MACROD2: variants seen among roughly 807,000 people sequenced by gnomAD.
The protein encoded by MACROD2 is ADP-ribose glycohydrolase MACROD2.
MACROD2 carries 36 observed loss-of-function variants against 70.4 expected under a neutral mutation model. That is an observed-to-expected ratio of 0.51 (90% CI 0.39 to 0.68). The LOEUF (loss-of-function observed/expected upper bound fraction) is 0.68. Ranked by LOEUF, MACROD2 falls within the 30% of genes least tolerant of loss-of-function variation. MACROD2 has a pLI of 0.00. For missense variants in MACROD2, 496 were observed against 538.4 expected, an observed-to-expected ratio of 0.92 and a Z score of 0.78; for synonymous variants, 172 against 178.8, an observed-to-expected ratio of 0.96 and a Z score of 0.30.
chr20:15,068,056 A>G (rs1019203197), intron 5 of MACROD2, among the ~76,000 whole-genome samples: 45 of 152,166 alleles, frequency 3.0e-4, no homozygotes, highest in Non-Finnish European at 5.3e-4. Context: ...ATTTTTTTAA[A>G]TAACAAAAGT....
At chr20:15,598,058 C>T (rs568631014) in intron 8 of MACROD2, among the ~76,000 whole-genome samples, 27 of 152,062 alleles carry the variant, frequency 1.8e-4, no homozygotes, top group African/African-American at 5.3e-4. Context: ...CCAGCCTGGG[C>T]GACAGTGTGA....
chr20:15,168,713 A>G lies in MACROD2; in HGVS notation c.419-61227A>G, dbSNP rs551271373. Among the ~76,000 whole-genome samples, 8 of 152,176 alleles carry G rather than the reference A, an allele frequency of 5.3e-5. No homozygotes were observed. In the South Asian group the frequency reaches 1.7e-3, roughly 32 times the overall value. On this transcript the variant is annotated intron_variant, in intron 5 of 17. Transcript: ENST00000684519. ...ATAAAAAGAATGAGCCAGGTGTGAT[A>G]GTGAGTTCCTGTAGTCCCAGATACT...
chr20:14,399,173 C>A (rs2083611936), intron 3 of MACROD2, among the ~76,000 whole-genome samples: 1 of 152,070 alleles, frequency 6.6e-6, no homozygotes, highest in Non-Finnish European at 1.5e-5. Flanking sequence ...GCACACGCCA[C>A]CACAACCGGC....
intron 5 of MACROD2, among the ~76,000 whole-genome samples, chr20:14,793,908 T>A (rs1478421234): frequency 6.6e-6 from 1 of 151,960 alleles, no homozygotes; most frequent in Admixed American, 6.6e-5. Flanking sequence ...CTGACAGTAA[T>A]GATGGGTGAA....
chr20:15,550,275 TAAG>T (rs1345712152), intron 8 of MACROD2, among the ~76,000 whole-genome samples: 1 of 149,136 alleles, frequency 6.7e-6, no homozygotes, highest in Non-Finnish European at 1.5e-5. Context: ...ATATTTAAAA[TAAG>T]AAATATTTAA....
At chr20:14,546,876 C>G (rs1009493723) in intron 4 of MACROD2, among the ~76,000 whole-genome samples, 3 of 151,878 alleles carry the variant, frequency 2.0e-5, no homozygotes, top group African/African-American at 7.3e-5. Context: ...TGGTTAGTCC[C>G]TGCACAGTGT....
chr20:14,885,639 C>T (rs1041127468), intron 5 of MACROD2, among the ~76,000 whole-genome samples: 11 of 152,218 alleles, frequency 7.2e-5, no homozygotes, highest in Middle Eastern at 3.4e-3. Flanking sequence ...GATGGGGTCC[C>T]AGCCTCCTTC....
intron 1 of MACROD2, among the ~76,000 whole-genome samples, chr20:13,998,954 CAA>C (rs11476537): frequency 0.012 from 1,222 of 99,508 alleles, 5 homozygotes; most frequent in Non-Finnish European, 0.019. Flanking sequence ...GACTCCGTCT[CAA>C]AAAAAAAAAA....
intron 3 of MACROD2, among the ~76,000 whole-genome samples, chr20:14,362,837 A>T (rs1463901721): frequency 6.6e-6 from 1 of 152,072 alleles, no homozygotes; most frequent in African/African-American, 2.4e-5. Flanking sequence ...TTAAGAGCAT[A>T]GATAATAGTA....
intron 5 of MACROD2, among the ~76,000 whole-genome samples, chr20:14,949,938 G>A (rs1165316241): frequency 1.3e-5 from 2 of 152,042 alleles, no homozygotes; most frequent in Admixed American, 1.3e-4. Context: ...GAACATCACC[G>A]AGTTAGTCTG....
At chr20:14,787,120 T>TG in intron 5 of MACROD2, among the ~76,000 whole-genome samples, 1 of 152,260 alleles carries the variant, frequency 6.6e-6, no homozygotes, top group South Asian at 2.1e-4. Context: ...TGATCTGTCA[T>TG]GTACAATATG....
At chr20:15,324,615 C>T (rs889533488) in intron 6 of MACROD2, among the ~76,000 whole-genome samples, 1 of 152,160 alleles carries the variant, frequency 6.6e-6, no homozygotes, top group African/African-American at 2.4e-5. Flanking sequence ...TAACGTTCTC[C>T]TTAGCCTCTA....
Position 14,659,759 on chromosome 20 carries a change from A to G in MACROD2, c.302-25084A>G, listed in dbSNP as rs369318141. On this transcript the variant is annotated intron_variant, in intron 4 of 17. Transcript: ENST00000684519. ...TACTCATTTTTGAGAAATTTGCCTCACTTAGAGCTCCTTAAAATAAATCAA... is the reference window on the plus strand; with the variant it reads ...TACTCATTTTTGAGAAATTTGCCTCGCTTAGAGCTCCTTAAAATAAATCAA... 3.5e-4 allele frequency among the ~76,000 whole-genome samples: 54 copies of G among 152,272 alleles called. 1 individual carries two copies. In the East Asian group the frequency reaches 5.6e-3, roughly 16 times the overall value.
chr20:14,737,866 T>G (rs2071686627), intron 5 of MACROD2, among the ~76,000 whole-genome samples: 1 of 152,214 alleles, frequency 6.6e-6, no homozygotes, highest in Non-Finnish European at 1.5e-5. Flanking sequence ...GTCAGATGGA[T>G]AGATAGTTTT....
chr20:15,452,771 A>G (rs1011145733), intron 7 of MACROD2, among the ~76,000 whole-genome samples: 1 of 152,136 alleles, frequency 6.6e-6, no homozygotes, highest in African/African-American at 2.4e-5. Context: ...AGAAGATATT[A>G]TTATTCAGAC....
intron 8 of MACROD2, among the ~76,000 whole-genome samples, chr20:15,527,128 G>C (rs1196801870): frequency 6.6e-6 from 1 of 152,074 alleles, no homozygotes; most frequent in Non-Finnish European, 1.5e-5. Context: ...AGCTGTTAAG[G>C]ACTGTACCAG....
intron 8 of MACROD2, among the ~76,000 whole-genome samples, chr20:15,568,714 T>C (rs1307998318): frequency 1.3e-5 from 2 of 152,154 alleles, no homozygotes; most frequent in Non-Finnish European, 2.9e-5. Flanking sequence ...TCACAGGAGA[T>C]ATGTGCTCCT....
At chr20:15,984,566 C>A (rs2066449920) in intron 13 of MACROD2, among the ~76,000 whole-genome samples, 1 of 151,880 alleles carries the variant, frequency 6.6e-6, no homozygotes, top group Non-Finnish European at 1.5e-5. Flanking sequence ...TTTCTTTAAA[C>A]AACTAGTTAA....
At chr20:15,616,993 C>T (rs2146721149) in intron 8 of MACROD2, among the ~76,000 whole-genome samples, 1 of 152,292 alleles carries the variant, frequency 6.6e-6, no homozygotes, top group Non-Finnish European at 1.5e-5. Flanking sequence ...GTATCCATCT[C>T]CTTAGCTATG....
Sources: gnomAD v4.1 joint callset for allele counts (sites outside exome capture counted in the v4.1 genomes callset) on GRCh38, gnomAD v4.1.1 for gene constraint, MANE v1.5 for transcripts, NCBI Gene and HGNC (gene_info 2026-07-23, HGNC 2026-07-21) for gene names.